The following SUGCT variants were observed in gnomAD, a reference collection of about 807,000 sequenced individuals.
SUGCT encodes succinyl-CoA:glutarate-CoA transferase.
Under a neutral mutation model 55.0 loss-of-function variants are expected in SUGCT, and 41 were observed. The observed-to-expected ratio is 0.74, with a 90% confidence interval of 0.58 to 0.97. The LOEUF is 0.97. Among genes scored for constraint, SUGCT ranks in the 50% least tolerant of loss-of-function variants. The probability of loss-of-function intolerance (pLI) is 0.00; values close to 1 mark genes in which losing one functional copy is unlikely to be tolerated. For missense variants in SUGCT, 568 were observed against 547.8 expected, an observed-to-expected ratio of 1.04 and a Z score of -0.37; for synonymous variants, 187 against 200.4, an observed-to-expected ratio of 0.93 and a Z score of 0.56.
chr7:40,188,434 C>CCAAAAAAA (rs746391689), intron 3 of SUGCT, 61 bp from the exon 4 acceptor site: 8 of 602,020 alleles, frequency 1.3e-5, no homozygotes, highest in East Asian at 5.0e-5. Flanking sequence ...ACTCCATCTC[C>CCAAAAAAA]AAAAAAAAAA....
the SUGCT span, among the ~76,000 whole-genome samples, chr7:40,930,279 T>C: frequency 4.6e-5 from 7 of 152,208 alleles, no homozygotes; most frequent in Non-Finnish European, 1.0e-4. Flanking sequence ...CATTGGTCTG[T>C]ATATCTGTTT....
intron 12 of SUGCT, among the ~76,000 whole-genome samples, chr7:40,686,083 T>C (rs754490082): frequency 9.9e-5 from 15 of 152,208 alleles, no homozygotes; most frequent in Non-Finnish European, 1.9e-4. Context: ...TTTTATTTTT[T>C]TATGATTGTA....
intron 8 of SUGCT, among the ~76,000 whole-genome samples, chr7:40,293,939 A>C (rs1417128163): frequency 6.6e-6 from 1 of 152,054 alleles, no homozygotes; most frequent in African/African-American, 2.4e-5. Context: ...ACAGTGATTT[A>C]GAAAGAGCTT....
chr7:40,798,105 T>A (rs1790635358), intron 13 of SUGCT, among the ~76,000 whole-genome samples: 1 of 152,214 alleles, frequency 6.6e-6, no homozygotes, highest in Non-Finnish European at 1.5e-5. Context: ...CACACACAGA[T>A]TCTCCAACCT....
intron 9 of SUGCT, among the ~76,000 whole-genome samples, chr7:40,365,978 A>G (rs1054749797): frequency 3.3e-5 from 5 of 152,246 alleles, no homozygotes; most frequent in African/African-American, 1.2e-4. Flanking sequence ...CCAAAAGAAC[A>G]AAGCTGGAGG....
rs540151232 is a variant in SUGCT at position 40,436,215 on chromosome 7, T to A, written c.817-13072T>A. Among the ~76,000 whole-genome samples the A allele has an allele frequency of 2.0e-5, 3 of 152,204 alleles. No homozygotes were observed. In the South Asian group the frequency reaches 6.2e-4, roughly 32 times the overall value. ...ACCTCTGCCTCCCAAAGTGCTGGGA[T>A]TACAGGCTTGAGCCACCATACCTGG... On this transcript the variant is annotated intron_variant, in intron 9 of 13. Coordinates refer to ENST00000335693, the MANE Select transcript of SUGCT (RefSeq NM_001193313.2).
rs80286349 is a variant in SUGCT, at chr7:40,641,814, G to A, written c.1090-107620G>A. ...AACTTATGAAAGGCTCAGTTTCAAA[G>A]GCTTGGGTTTTCACATCCATGTCAA... On this transcript the variant is annotated intron_variant, in intron 12 of 13. Coordinates refer to ENST00000335693, the MANE Select transcript of SUGCT (RefSeq NM_001193313.2). Among the ~76,000 whole-genome samples, 1,453 of 152,290 alleles carry A rather than the reference G, an allele frequency of 9.5e-3. 16 individuals carry two copies. The highest frequency in any genetic ancestry group is 0.014 in the Non-Finnish European group (941 of 68,014).
intron 8 of SUGCT, among the ~76,000 whole-genome samples, chr7:40,301,975 G>T (rs140665851): frequency 6.6e-6 from 1 of 152,154 alleles, no homozygotes; most frequent in Admixed American, 6.5e-5. Flanking sequence ...TAAAGTCTGT[G>T]TAGCCCTGGA....
chr7:40,662,296 C>A (rs962341400), intron 12 of SUGCT, among the ~76,000 whole-genome samples: 1 of 152,222 alleles, frequency 6.6e-6, no homozygotes, highest in Non-Finnish European at 1.5e-5. Context: ...TGGTCTACTT[C>A]AAGAGCCACC....
chr7:40,385,109 T>G (rs1236777286), intron 9 of SUGCT, among the ~76,000 whole-genome samples: 1 of 152,182 alleles, frequency 6.6e-6, no homozygotes, highest in Non-Finnish European at 1.5e-5. Flanking sequence ...GAAAATAGTC[T>G]TATTCGTTCA....
chr7:40,492,087 C>T (rs1255304246), intron 11 of SUGCT, among the ~76,000 whole-genome samples: 1 of 152,030 alleles, frequency 6.6e-6, no homozygotes, highest in Non-Finnish European at 1.5e-5. Flanking sequence ...TCATCAAATA[C>T]TACATAGTGA....
At chr7:40,816,698 A>C (rs1791688679) in intron 13 of SUGCT, among the ~76,000 whole-genome samples, 1 of 152,194 alleles carries the variant, frequency 6.6e-6, no homozygotes, top group Non-Finnish European at 1.5e-5. Flanking sequence ...AAAGCCTCTC[A>C]TCTGCCATCT....
chr7:40,712,380 A>T (rs1360036799), intron 12 of SUGCT, among the ~76,000 whole-genome samples: 1 of 152,218 alleles, frequency 6.6e-6, no homozygotes, highest in Non-Finnish European at 1.5e-5. Context: ...GTGTTGTTGC[A>T]TCAGGCAGAA....
intron 12 of SUGCT, among the ~76,000 whole-genome samples, chr7:40,497,646 T>A (rs1792056244): frequency 1.3e-5 from 2 of 152,198 alleles, no homozygotes; most frequent in African/African-American, 4.8e-5. Context: ...ACCAGGGGAC[T>A]GTTTTTCTCA....
intron 9 of SUGCT, among the ~76,000 whole-genome samples, chr7:40,417,304 A>G (rs542679851): frequency 1.3e-5 from 2 of 151,696 alleles, no homozygotes; most frequent in South Asian, 2.1e-4. Context: ...ACTTGGTTCC[A>G]TTCAGTTTTT....
chr7:40,761,167 CCAGT>C (rs151261467), intron 13 of SUGCT, among the ~76,000 whole-genome samples: 403 of 152,270 alleles, frequency 2.6e-3, no homozygotes, highest in African/African-American at 8.9e-3. Flanking sequence ...GTGACAGTGA[CCAGT>C]CAAATAAGAC....
chr7:40,363,296 T>C (rs898247296), intron 9 of SUGCT, among the ~76,000 whole-genome samples: 2 of 152,156 alleles, frequency 1.3e-5, no homozygotes, highest in African/African-American at 4.8e-5. Flanking sequence ...GAAGGGTTTT[T>C]TGTGTCTCTA....
chr7:40,284,778 G>A (rs1433772710), intron 8 of SUGCT, among the ~76,000 whole-genome samples: 1 of 152,080 alleles, frequency 6.6e-6, no homozygotes, highest in African/African-American at 2.4e-5. Flanking sequence ...AGGATCTGTT[G>A]TTAAGATGAA....
intron 13 of SUGCT, among the ~76,000 whole-genome samples, chr7:40,849,496 T>C (rs572834436): frequency 3.3e-5 from 5 of 152,294 alleles, no homozygotes; most frequent in African/African-American, 1.2e-4. Context: ...TGATGTGATA[T>C]TATGTTCCCA....
Sources: allele counts gnomAD v4.1 joint callset (sites outside exome capture counted in the v4.1 genomes callset), GRCh38; gene constraint gnomAD v4.1.1; transcripts MANE v1.5; gene names NCBI Gene and HGNC (gene_info 2026-07-23, HGNC 2026-07-21).